The following FRMPD4 variants were observed in gnomAD, a reference collection of about 807,000 sequenced individuals.
The protein encoded by FRMPD4 is FERM and PDZ domain-containing protein 4.
In FRMPD4, 22 loss-of-function variants were observed where a neutral mutation model predicts 94.1. The observed-to-expected ratio is 0.23, with a 90% CI of 0.17 to 0.33. The LOEUF is 0.33. FRMPD4 is among the 10% of genes least tolerant of loss of function. The probability of loss-of-function intolerance (pLI) is 1.00; values close to 1 mark genes in which losing one functional copy is unlikely to be tolerated. For synonymous variants in FRMPD4, 631 were observed against 548.6 expected (o/e 1.15, Z -2.10); for missense variants, 1,111 against 1,339.9 (o/e 0.83, Z 2.67).
At chrX:12,221,993 A>G (rs1413437622) in intron 1 of FRMPD4, among the ~76,000 whole-genome samples, 1 of 111,901 alleles carries the variant, frequency 8.9e-6, no homozygotes, top group African/African-American at 3.2e-5. Flanking sequence ...TGGCATAACC[A>G]CAACAGTATG....
intron 3 of FRMPD4, among the ~76,000 whole-genome samples, chrX:11,910,027 G>A (rs1467956997): frequency 1.8e-5 from 2 of 111,825 alleles, no homozygotes; most frequent in African/African-American, 6.5e-5. Context: ...TATCAAGTTG[G>A]TTAATAGTGT....
At chrX:12,643,091 G>T (rs919700014) in intron 4 of FRMPD4, among the ~76,000 whole-genome samples, 1 of 110,362 alleles carries the variant, frequency 9.1e-6, no homozygotes, top group East Asian at 2.8e-4. Context: ...TTTACTCTAA[G>T]AAAGAGAAGG....
chrX:12,245,744 G>T (rs1365299376), intron 1 of FRMPD4, among the ~76,000 whole-genome samples: 1 of 109,703 alleles, frequency 9.1e-6, no homozygotes, highest in Non-Finnish European at 1.9e-5. Flanking sequence ...GTTATCTTAG[G>T]AGTGGGATCC....
At chrX:12,233,262 A>G (rs911546415) in intron 1 of FRMPD4, among the ~76,000 whole-genome samples, 1 of 112,271 alleles carries the variant, frequency 8.9e-6, no homozygotes, top group Non-Finnish European at 1.9e-5. Flanking sequence ...ATCAAATAAA[A>G]ATATAGAATG....
chrX:11,903,722 T>A (rs1374524022), intron 3 of FRMPD4, among the ~76,000 whole-genome samples: 1 of 112,515 alleles, frequency 8.9e-6, no homozygotes, highest in African/African-American at 3.2e-5. Context: ...TTTGTCTTTT[T>A]AAAAAATGAC....
At chrX:12,434,793 G>A (rs959720243) in intron 1 of FRMPD4, among the ~76,000 whole-genome samples, 1 of 112,510 alleles carries the variant, frequency 8.9e-6, no homozygotes, top group African/African-American at 3.2e-5. Flanking sequence ...TGGGTGTTGG[G>A]GGAAAGCCAC....
chrX:12,435,436 G>GTTAT (rs1254154591), intron 1 of FRMPD4, among the ~76,000 whole-genome samples: 3 of 111,422 alleles, frequency 2.7e-5, no homozygotes, highest in African/African-American at 9.8e-5. Flanking sequence ...GATACTTTTA[G>GTTAT]TTATTTCTGG....
At chrX:12,201,844 A>T (rs1260583099) in intron 1 of FRMPD4, among the ~76,000 whole-genome samples, 1 of 111,791 alleles carries the variant, frequency 8.9e-6, no homozygotes, top group Non-Finnish European at 1.9e-5. Flanking sequence ...CTGATTTGAA[A>T]ATTAAACAGA....
chrX:12,288,462 G>A (rs1184056458), intron 1 of FRMPD4, among the ~76,000 whole-genome samples: 3 of 111,434 alleles, frequency 2.7e-5, no homozygotes, highest in Non-Finnish European at 5.7e-5. Context: ...ATGCTTGGGT[G>A]CTATGCCTTA....
intron 1 of FRMPD4, among the ~76,000 whole-genome samples, chrX:12,331,628 C>T (rs866103057): frequency 3.8e-5 from 2 of 53,100 alleles, no homozygotes; most frequent in African/African-American, 1.1e-4. Flanking sequence ...TATTATATTA[C>T]ATATAAATTA....
intron 1 of FRMPD4, among the ~76,000 whole-genome samples, chrX:12,377,355 G>A (rs188761530): frequency 8.9e-6 from 1 of 112,262 alleles, no homozygotes; most frequent in African/African-American, 3.2e-5. Context: ...TAATCAGATG[G>A]GATGTTGGCC....
intron 1 of FRMPD4, among the ~76,000 whole-genome samples, chrX:11,827,071 TATATATATATATATAA>T (rs2053447577): frequency 1.0e-5 from 1 of 97,889 alleles, no homozygotes; most frequent in Non-Finnish European, 2.0e-5. Context: ...ATTATATATA[TATATATATATATATAA>T]AATATATATG....
chrX:12,668,683 C>A (rs2059807364), intron 4 of FRMPD4, among the ~76,000 whole-genome samples: 1 of 102,306 alleles, frequency 9.8e-6, no homozygotes, highest in Non-Finnish European at 2.0e-5. Flanking sequence ...TGGCTCACTG[C>A]AACCTCCACC....
At chrX:12,559,661 A>AAAC (rs1173095976) in intron 2 of FRMPD4, among the ~76,000 whole-genome samples, 1 of 109,974 alleles carries the variant, frequency 9.1e-6, no homozygotes, top group African/African-American at 3.3e-5. Flanking sequence ...AGGAAAAAAA[A>AAAC]AAACAAAAAA....
intron 2 of FRMPD4, among the ~76,000 whole-genome samples, chrX:12,523,105 G>C (rs143556234): frequency 0.011 from 1,174 of 111,693 alleles, 6 homozygotes; most frequent in Non-Finnish European, 0.016. Flanking sequence ...TAAAATTTAG[G>C]ACTGCCAAAT....
rs149617600 is a variant in FRMPD4 at position 12,009,740 on chromosome X, G to A, written c.95+131722G>A. 4.9e-3 allele frequency among the ~76,000 whole-genome samples: 550 copies of A among 111,878 alleles called. 2 individuals carry two copies. Among genetic ancestry groups the A allele is most frequent in the Middle Eastern group, 0.019 (4 of 215 alleles). The stretch of plus-strand genomic sequence containing the variant: ...AGAAAGCAACTGTCTTTGTAAGGAG[G>A]ACAAACAGAGAAGGGAGAATCAGTG... On this transcript the variant is annotated intron_variant, in intron 3 of 18. Transcript: ENST00000640291.
intron 5 of FRMPD4, among the ~76,000 whole-genome samples, chrX:12,677,159 C>T (rs1335251513): frequency 9.0e-6 from 1 of 110,739 alleles, no homozygotes; most frequent in Admixed American, 9.7e-5. Flanking sequence ...CTGGCCTGTA[C>T]CTACTAGATG....
intron 1 of FRMPD4, among the ~76,000 whole-genome samples, chrX:12,392,278 C>T (rs1341526626): frequency 9.4e-6 from 1 of 106,183 alleles, no homozygotes; most frequent in Admixed American, 9.9e-5. Context: ...TGACCTCAAG[C>T]AATCTGCCTG....
intron 2 of FRMPD4, among the ~76,000 whole-genome samples, chrX:12,595,421 CAT>C (rs1183284388): frequency 2.5e-4 from 28 of 111,669 alleles, no homozygotes; most frequent in African/African-American, 6.8e-4. Context: ...AACTGCTAAA[CAT>C]ATGTCATTAA....
Sources: gnomAD v4.1 joint callset for allele counts (sites outside exome capture counted in the v4.1 genomes callset) on GRCh38, gnomAD v4.1.1 for gene constraint, MANE v1.5 for transcripts, NCBI Gene and HGNC (gene_info 2026-07-23, HGNC 2026-07-21) for gene names.